Variants in OSBPL1A observed in about 807,000 individuals in gnomAD.
OSBPL1A encodes the protein oxysterol binding protein like 1A, also known as oxysterol-binding protein-related protein 1.
A neutral mutation model predicts 137.1 loss-of-function variants in OSBPL1A; 80 were observed. The observed-to-expected ratio is 0.58, with a 90% CI of 0.49 to 0.70. The LOEUF (loss-of-function observed/expected upper bound fraction) is 0.70. OSBPL1A is among the 30% of genes least tolerant of loss of function. OSBPL1A has a pLI of 0.00. For synonymous variants in OSBPL1A, 365 were observed against 389.7 expected (o/e 0.94, Z 0.75); for missense variants, 970 against 1,129.4 (o/e 0.86, Z 2.02).
chr18:24,185,510 G>A (rs1048239602), intron 18 of OSBPL1A, among the ~76,000 whole-genome samples: 3 of 151,938 alleles, frequency 2.0e-5, no homozygotes, highest in African/African-American at 4.8e-5. Flanking sequence ...TAGTAGAGAC[G>A]AGGTTTCACC....
intron 17 of OSBPL1A, among the ~76,000 whole-genome samples, chr18:24,216,503 T>C (rs1166767699): frequency 6.6e-6 from 1 of 152,052 alleles, no homozygotes; most frequent in Non-Finnish European, 1.5e-5. Flanking sequence ...CGAGACTGTG[T>C]CTCCAGAAGA....
In OSBPL1A at chr18:24,358,597, G is replaced by C. The variant is rs74563430; in HGVS notation, c.282+8295C>G. The C allele has an allele frequency of 8.7e-3, 6,035 of 692,440 alleles. 145 individuals carry two copies. The highest frequency in any genetic ancestry group is 0.044 in the African/African-American group (2,501 of 57,248). The allele number at this position is 692,440 out of a possible 1,614,324, so 42.9% of individuals were successfully genotyped here. On this transcript the variant is annotated intron_variant, in intron 4 of 27. Coordinates refer to ENST00000319481, the MANE Select transcript of OSBPL1A (RefSeq NM_080597.4). ...GTGTCAAGTTGTCTGGGCATCGCCT[G>C]AAACACAGTAGGCCTTCAATACATA... is the stretch of plus-strand genomic sequence containing the variant.
intron 5 of OSBPL1A, among the ~76,000 whole-genome samples, chr18:24,335,331 T>A (rs2091157267): frequency 6.6e-6 from 1 of 152,184 alleles, no homozygotes; most frequent in African/African-American, 2.4e-5. Flanking sequence ...ACAAAGGAAC[T>A]GAGGCACCAA....
chr18:24,365,025 C>CAA (rs56400717), intron 4 of OSBPL1A, among the ~76,000 whole-genome samples: 2,214 of 89,512 alleles, frequency 0.025, 19 homozygotes, highest in South Asian at 0.033. Flanking sequence ...AAAACAACAA[C>CAA]AAAAAAAAAA....
intron 16 of OSBPL1A, among the ~76,000 whole-genome samples, chr18:24,237,921 T>C (rs1350096594): frequency 6.6e-6 from 1 of 152,218 alleles, no homozygotes; most frequent in African/African-American, 2.4e-5. Flanking sequence ...CCTTATTTAA[T>C]TGACAACCCG....
chr18:24,393,071 T>C (rs1907474274), intron 1 of OSBPL1A, among the ~76,000 whole-genome samples: 1 of 152,162 alleles, frequency 6.6e-6, no homozygotes, highest in African/African-American at 2.4e-5. Flanking sequence ...TTAAAGTAAC[T>C]ACATAAAAAC....
At chr18:24,389,933 C>T (rs912185304) in intron 1 of OSBPL1A, among the ~76,000 whole-genome samples, 6 of 151,860 alleles carry the variant, frequency 4.0e-5, no homozygotes, top group African/African-American at 1.2e-4. Flanking sequence ...CAGAGTGAGA[C>T]TCTGTCTCAA....
intron 4 of OSBPL1A, among the ~76,000 whole-genome samples, chr18:24,361,211 G>T (rs1479030815): frequency 5.3e-5 from 8 of 152,108 alleles, no homozygotes; most frequent in African/African-American, 9.7e-5. Flanking sequence ...TGATTTTGTA[G>T]AAGTGAGGTC....
intron 17 of OSBPL1A, among the ~76,000 whole-genome samples, chr18:24,221,922 G>A (rs2087906506): frequency 6.6e-6 from 1 of 152,048 alleles, no homozygotes; most frequent in Admixed American, 6.5e-5. Flanking sequence ...AAATTTAATT[G>A]GCTGATTTTG....
intron 24 of OSBPL1A, 34 bp downstream of exon 24, chr18:24,170,293 T>C (rs1567915731): frequency 6.2e-7 from 1 of 1,612,788 alleles, no homozygotes; most frequent in Non-Finnish European, 8.5e-7. Flanking sequence ...AAGAATCCAG[T>C]TATTCCTTCG....
chr18:24,220,811 T>C lies in OSBPL1A; in HGVS notation c.1601+4231A>G, dbSNP rs148603824. 3.2e-3 allele frequency among the ~76,000 whole-genome samples: 480 copies of C among 152,100 alleles called. 1 individual carries two copies. Among genetic ancestry groups the C allele is most frequent in the African/African-American group, 0.011 (455 of 41,520 alleles). ...TATCTTTAGGAAGTGAGATTTTGTTTTGTTTTGGTTTTTTTTTTTGAGACA... is the reference window on the plus strand; with the variant it reads ...TATCTTTAGGAAGTGAGATTTTGTTCTGTTTTGGTTTTTTTTTTTGAGACA... On this transcript the variant is annotated intron_variant, in intron 17 of 27. Coordinates refer to ENST00000319481, the MANE Select transcript of OSBPL1A (RefSeq NM_080597.4).
chr18:24,219,541 C>T (rs2087818775), intron 17 of OSBPL1A, among the ~76,000 whole-genome samples: 1 of 152,080 alleles, frequency 6.6e-6, no homozygotes, highest in Non-Finnish European at 1.5e-5. Context: ...TTAAGCATAG[C>T]CTTACAGATT....
chr18:24,272,260 T>C, intron 15 of OSBPL1A: 2 of 978,216 alleles, frequency 2.0e-6, no homozygotes, highest in Non-Finnish European at 2.4e-6. Flanking sequence ...TTTTTCTTTT[T>C]TTTTTTTTTT....
rs2090786593 is a variant in OSBPL1A at position 24,318,746 on chromosome 18, ACCTT to A, written c.685_687+1del. ...AGATAAATTTAATTCATTACTCTGT[ACCTT>A]ATTACCAACAAGAATGTGTTTCATT... On this transcript the variant is annotated splice_donor_variant and coding_sequence_variant, in exon 8 of 28. Coordinates refer to ENST00000319481, the MANE Select transcript of OSBPL1A (RefSeq NM_080597.4). LOFTEE classifies it high-confidence loss of function. The A allele has an allele frequency of 2.5e-6, 4 of 1,611,792 alleles. No individual in the cohort carries two copies. Among genetic ancestry groups the A allele is most frequent in the Non-Finnish European group, 3.4e-6 (4 of 1,179,086 alleles).
At chr18:24,308,646 A>G (rs1014161045) in intron 13 of OSBPL1A, among the ~76,000 whole-genome samples, 1 of 152,158 alleles carries the variant, frequency 6.6e-6, no homozygotes, top group African/African-American at 2.4e-5. Flanking sequence ...GCACTGTCCA[A>G]TAGAACTTTC....
At chr18:24,358,097 T>C (rs979017768) in intron 4 of OSBPL1A, 1 of 258,460 alleles carries the variant, frequency 3.9e-6, no homozygotes, top group Non-Finnish European at 7.3e-6. Flanking sequence ...GGGATGTACG[T>C]GGAAGAACAG....
intron 1 of OSBPL1A, among the ~76,000 whole-genome samples, chr18:24,393,906 C>G (rs17797879): frequency 2.6e-5 from 4 of 151,990 alleles, no homozygotes; most frequent in Non-Finnish European, 5.9e-5. Context: ...GAAAAGAATA[C>G]CTAAAACATG....
At chr18:24,199,439 G>A (rs1599479255) in intron 17 of OSBPL1A, among the ~76,000 whole-genome samples, 2 of 151,706 alleles carry the variant, frequency 1.3e-5, no homozygotes, top group Admixed American at 1.3e-4. Flanking sequence ...CCCCTCCACA[G>A]CACTGATTGA....
chr18:24,349,761 CCAA>C (rs1164952088), intron 4 of OSBPL1A, among the ~76,000 whole-genome samples: 3 of 151,792 alleles, frequency 2.0e-5, no homozygotes, highest in Admixed American at 6.6e-5. Flanking sequence ...GTGAACTCTG[CCAA>C]CAACCTGCGT....
Sources: allele counts gnomAD v4.1 joint callset (sites outside exome capture counted in the v4.1 genomes callset), GRCh38; gene constraint gnomAD v4.1.1; transcripts MANE v1.5; gene names NCBI Gene and HGNC (gene_info 2026-07-23, HGNC 2026-07-21).